The following DNM3 variants were observed in gnomAD, a reference collection of about 807,000 sequenced individuals.
DNM3 encodes dynamin 3.
A neutral mutation model predicts 101.6 loss-of-function variants in DNM3; 47 were observed. That is an observed-to-expected ratio of 0.46 (90% CI 0.37 to 0.59). The LOEUF is 0.59. DNM3 is among the 20% of genes least tolerant of loss of function. The pLI is 0.00. For missense variants in DNM3, 849 were observed against 1,085.7 expected (o/e 0.78, Z 3.06); for synonymous variants, 385 against 387.9 (o/e 0.99, Z 0.09).
chr1:172,135,609 A>G lies in DNM3; in HGVS notation c.1659+4321A>G, dbSNP rs567649830. On this transcript the variant is annotated intron_variant, in intron 14 of 20. Coordinates refer to ENST00000627582, the MANE Select transcript of DNM3 (RefSeq NM_015569.5). ...AAATTAATTTCCCAATGTTGTTTTC[A>G]TACATTGCCCATATATGTTGTACAT... Among the ~76,000 whole-genome samples, 201 of 152,230 alleles carry G rather than the reference A, an allele frequency of 1.3e-3. 1 individual carries two copies. Among genetic ancestry groups the G allele is most frequent in the African/African-American group, 4.6e-3 (193 of 41,560 alleles).
At chr1:172,281,219 T>C (rs930319354) in intron 15 of DNM3, among the ~76,000 whole-genome samples, 2 of 152,060 alleles carry the variant, frequency 1.3e-5, no homozygotes, top group Non-Finnish European at 2.9e-5. Context: ...ATATACTACT[T>C]AATGAAATAC....
At chr1:171,912,901 C>CT in intron 1 of DNM3, among the ~76,000 whole-genome samples, 1 of 152,330 alleles carries the variant, frequency 6.6e-6, no homozygotes, top group South Asian at 2.1e-4. Context: ...TGGCAGCCAA[C>CT]TTGGGTAAAA....
intron 14 of DNM3, among the ~76,000 whole-genome samples, chr1:172,172,036 A>G (rs2058979782): frequency 6.6e-6 from 1 of 151,536 alleles, no homozygotes; most frequent in Admixed American, 6.6e-5. Flanking sequence ...TGAATTGATA[A>G]ATATTTATTG....
At position 172,247,186 on chromosome 1, in the gene DNM3, C is replaced by A. The variant is rs528058982; in HGVS notation, c.1660-6387C>A. Among the ~76,000 whole-genome samples, 8 of 152,162 alleles carry A rather than the reference C, an allele frequency of 5.3e-5. No individual in the cohort carries two copies. The East Asian group carries it at 9.7e-4, about 18-fold the overall frequency. On this transcript the variant is annotated intron_variant, in intron 14 of 20. Transcript: ENST00000627582. ...TGGTACTTCGCGTGTGGTCTACGCA[C>A]GTTTTTGGTGCGGATGTGTCAGAGA...
intron 4 of DNM3, among the ~76,000 whole-genome samples, chr1:171,995,573 C>G (rs868094035): frequency 2.6e-5 from 4 of 152,082 alleles, no homozygotes; most frequent in Non-Finnish European, 5.9e-5. Context: ...CCAGCATTCC[C>G]GTTTATATTC....
chr1:172,387,473 T>C lies in DNM3; in HGVS notation c.2285+114T>C, dbSNP rs952114649. On this transcript the variant is annotated intron_variant, in intron 19 of 20. Coordinates refer to ENST00000627582, the MANE Select transcript of DNM3 (RefSeq NM_015569.5). Reference sequence around the variant, plus strand: ...GAGATCGAGACCATCCTGGCGAACATAGTGAAACCCTGTCTCTACTAAAAA... The same window carrying C: ...GAGATCGAGACCATCCTGGCGAACACAGTGAAACCCTGTCTCTACTAAAAA... 2.5e-4 allele frequency: 208 copies of C among 842,130 alleles called. 1 individual carries two copies. Among genetic ancestry groups the C allele is most frequent in the Admixed American group, 9.8e-4 (38 of 38,658 alleles). 52.2% of individuals were successfully genotyped at this position (842,130 alleles called of 1,614,324 possible).
chr1:171,898,870 A>G (rs2038053400), intron 1 of DNM3, among the ~76,000 whole-genome samples: 1 of 151,806 alleles, frequency 6.6e-6, no homozygotes, highest in Non-Finnish European at 1.5e-5. Context: ...TTGGATGTTT[A>G]TATTATTTCT....
chr1:171,949,509 G>A (rs758097965), intron 2 of DNM3, among the ~76,000 whole-genome samples: 1 of 152,110 alleles, frequency 6.6e-6, no homozygotes, highest in Non-Finnish European at 1.5e-5. Context: ...TCCCAAGCTT[G>A]AGCAATCCTC....
At chr1:172,117,048 A>G (rs1367401319) in intron 13 of DNM3, among the ~76,000 whole-genome samples, 2 of 152,082 alleles carry the variant, frequency 1.3e-5, no homozygotes, top group Non-Finnish European at 2.9e-5. Flanking sequence ...TCTACTAAAA[A>G]TACAAAATTA....
At chr1:171,878,955 C>T (rs12024000) in intron 1 of DNM3, among the ~76,000 whole-genome samples, 1 of 152,062 alleles carries the variant, frequency 6.6e-6, no homozygotes, top group African/African-American at 2.4e-5. Flanking sequence ...TTATTCCAAC[C>T]TGTAGAAATT....
intron 15 of DNM3, among the ~76,000 whole-genome samples, chr1:172,269,855 G>A (rs977861605): frequency 6.6e-6 from 1 of 152,238 alleles, no homozygotes; most frequent in African/African-American, 2.4e-5. Flanking sequence ...GCAACCTAGG[G>A]AGCAGAGCTC....
chr1:172,140,806 G>GT (rs530902744), intron 14 of DNM3, among the ~76,000 whole-genome samples: 62 of 152,032 alleles, frequency 4.1e-4, no homozygotes, highest in African/African-American at 1.4e-3. Context: ...CACACTTACA[G>GT]TAACTATGTG....
At chr1:172,395,181 T>G (rs909345885) in intron 20 of DNM3, among the ~76,000 whole-genome samples, 1 of 151,656 alleles carries the variant, frequency 6.6e-6, no homozygotes, top group Non-Finnish European at 1.5e-5. Context: ...CAATTTTTTT[T>G]TTTTTTTTTT....
intron 2 of DNM3, among the ~76,000 whole-genome samples, chr1:171,966,041 C>T (rs2043563168): frequency 6.6e-6 from 1 of 152,172 alleles, no homozygotes. Context: ...GAACCATGGG[C>T]AGATACCAAA....
At chr1:171,999,137 A>G (rs1029291089) in intron 4 of DNM3, among the ~76,000 whole-genome samples, 15 of 152,122 alleles carry the variant, frequency 9.9e-5, no homozygotes, top group Non-Finnish European at 2.1e-4. Context: ...GAAGACGGGC[A>G]TGAATGTAAG....
At chr1:172,160,095 C>T (rs1405906398) in intron 14 of DNM3, among the ~76,000 whole-genome samples, 2 of 150,558 alleles carry the variant, frequency 1.3e-5, no homozygotes, top group Admixed American at 6.6e-5. Flanking sequence ...CTGTAAAGGG[C>T]GTTTACTATC....
intron 16 of DNM3, among the ~76,000 whole-genome samples, chr1:172,316,402 T>C (rs529757126): frequency 6.6e-6 from 1 of 151,730 alleles, no homozygotes; most frequent in South Asian, 2.1e-4. Context: ...TAACTTTAAA[T>C]GTAAAAGGAC....
chr1:172,218,207 C>T lies in DNM3; in HGVS notation c.1660-35366C>T, dbSNP rs577000160. Among the ~76,000 whole-genome samples the T allele has an allele frequency of 2.6e-5, 4 of 152,222 alleles. No homozygotes were observed. The South Asian group carries it at 6.2e-4, about 24-fold the overall frequency. On this transcript the variant is annotated intron_variant, in intron 14 of 20. Coordinates refer to ENST00000627582, the MANE Select transcript of DNM3 (RefSeq NM_015569.5). ...ATAGGAAGAGAGTAAAAGAAGAACA[C>T]TGGCATGTTGAGCCAGACTCTTAAG...
rs1040850440 is a variant in DNM3 at position 172,001,906 on chromosome 1, C to T, written c.589+12758C>T. Among the ~76,000 whole-genome samples, 3 of 151,936 alleles carry T rather than the reference C, an allele frequency of 2.0e-5. No individual in the cohort carries two copies. The South Asian group carries it at 6.2e-4, about 31-fold the overall frequency. On this transcript the variant is annotated intron_variant, in intron 4 of 20. Transcript: ENST00000627582. Reference sequence around the variant, plus strand: ...TAAACTGATATTCATTGACCTTTGGCAACATTTAGCAGATATCCAATCTGC... The same window carrying T: ...TAAACTGATATTCATTGACCTTTGGTAACATTTAGCAGATATCCAATCTGC...
Sources: allele counts gnomAD v4.1 joint callset (sites outside exome capture counted in the v4.1 genomes callset), GRCh38; gene constraint gnomAD v4.1.1; transcripts MANE v1.5; gene names NCBI Gene and HGNC (gene_info 2026-07-23, HGNC 2026-07-21).